Variants in SRP19 observed in about 807,000 individuals in gnomAD.
SRP19 encodes the protein signal recognition particle 19, also known as signal recognition particle 19 kDa protein.
A neutral mutation model predicts 22.4 loss-of-function variants in SRP19; 11 were observed. The observed-to-expected ratio is 0.49, with a 90% CI of 0.31 to 0.81. SRP19 has a LOEUF of 0.81. SRP19 is among the 40% of genes least tolerant of loss of function. The pLI is 0.05. For missense variants in SRP19, 168 were observed against 175.9 expected (o/e 0.96, Z 0.25); for synonymous variants, 61 against 57.6 (o/e 1.06, Z -0.27).
At chr5:112,890,245 C>T (rs1486106424) in intron 4 of SRP19, among the ~76,000 whole-genome samples, 1 of 150,318 alleles carries the variant, frequency 6.7e-6, no homozygotes, top group East Asian at 2.0e-4. Flanking sequence ...AGCTGTGATA[C>T]CATCACTGCA....
exon 5 of SRP19, chr5:112,892,542 G>A: frequency 6.2e-7 from 1 of 1,614,210 alleles, no homozygotes; most frequent in Non-Finnish European, 8.5e-7. Context: ...CAGGACGACA[G>A]CTGCAATGTG....
chr5:112,889,737 T>C (rs924064285), intron 4 of SRP19, among the ~76,000 whole-genome samples: 1 of 150,488 alleles, frequency 6.6e-6, no homozygotes, highest in African/African-American at 2.5e-5. Flanking sequence ...TCCCAGCACT[T>C]TGGGAGGCTG....
intron 2 of SRP19, 114 bp downstream of exon 2, chr5:112,862,697 G>A (rs1051360986): frequency 5.6e-6 from 5 of 895,482 alleles, no homozygotes; most frequent in African/African-American, 3.3e-5. Flanking sequence ...TTTATTTAGG[G>A]CTTGAGAACA....
At chr5:112,879,237 T>C (rs1767989737) in intron 4 of SRP19, among the ~76,000 whole-genome samples, 1 of 148,408 alleles carries the variant, frequency 6.7e-6, no homozygotes, top group African/African-American at 2.5e-5. Flanking sequence ...TGATGACAAC[T>C]AGGTCATCAT....
chr5:112,863,329 A>C (rs1269538623), intron 2 of SRP19, among the ~76,000 whole-genome samples: 2 of 152,008 alleles, frequency 1.3e-5, no homozygotes, highest in Non-Finnish European at 2.9e-5. Context: ...TACATATTTG[A>C]ATGTAGTTGA....
chr5:112,878,855 G>C lies in SRP19; in HGVS notation c.302-12748G>C, dbSNP rs6875646. ...TCTTCGCTGTTTGTTTGTTAGGAGGGAAAGAAAAATATATCAAAGCTCTTT... is the reference window on the plus strand; with the variant it reads ...TCTTCGCTGTTTGTTTGTTAGGAGGCAAAGAAAAATATATCAAAGCTCTTT... On this transcript the variant is annotated intron_variant, in intron 4 of 4. Transcript: ENST00000391338. 9,008 of 1,613,828 alleles carry C rather than the reference G, an allele frequency of 5.6e-3. 440 individuals carry two copies. In the African/African-American group the frequency reaches 0.11, roughly 19 times the overall value.
At chr5:112,862,284 CAG>C in intron 1 of SRP19, 1 of 583,884 alleles carries the variant, frequency 1.7e-6, no homozygotes, top group Non-Finnish European at 3.0e-6. Flanking sequence ...GGGGATCAAT[CAG>C]AAAGAGGAGT....
chr5:112,874,772 G>A (rs373093242), downstream of SRP19, among the ~76,000 whole-genome samples: 6 of 118,514 alleles, frequency 5.1e-5, no homozygotes, highest in East Asian at 9.2e-4. Context: ...TCTGATGTGC[G>A]CCAATTTTTT....
downstream of SRP19, chr5:112,894,314 T>C (rs1247351878): frequency 6.6e-6 from 1 of 152,246 alleles, no homozygotes; most frequent in Admixed American, 6.6e-5. Context: ...GAGACAGGGT[T>C]TCACCATGTT....
rs748099514 is a variant in SRP19 at position 112,864,450 on chromosome 5, T to C, written c.118-7T>C. On this transcript the variant is annotated splice_polypyrimidine_tract_variant and splice_region_variant and intron_variant, in intron 2 of 4. Transcript: ENST00000505459. ...TATATTTAGTGTTTATGTTTTTAACTGTTCAGGCTGTTGAAAATCCTACAG... is the reference window on the plus strand; with the variant it reads ...TATATTTAGTGTTTATGTTTTTAACCGTTCAGGCTGTTGAAAATCCTACAG... 6.2e-7 allele frequency: 1 copy of C among 1,612,214 alleles called. No homozygotes were observed. The highest frequency in any genetic ancestry group is 8.5e-7 in the Non-Finnish European group (1 of 1,179,182).
At chr5:112,877,349 G>A (rs1216479461) in intron 4 of SRP19, 2 of 152,228 alleles carry the variant, frequency 1.3e-5, no homozygotes, top group Middle Eastern at 3.4e-3. Context: ...AATCTTGTTA[G>A]TTTAGTTATA....
chr5:112,876,380 AAC>A (rs1161372869), intron 4 of SRP19: 2 of 152,222 alleles, frequency 1.3e-5, no homozygotes, highest in African/African-American at 4.8e-5. Flanking sequence ...AATGAAATAT[AAC>A]AGTTAAATGA....
intron 4 of SRP19, chr5:112,877,194 T>C (rs1450392805): frequency 6.6e-6 from 1 of 152,222 alleles, no homozygotes; most frequent in Non-Finnish European, 1.5e-5. Flanking sequence ...ATCCATATTA[T>C]ATTAGAGTGA....
chr5:112,862,631 C>A (rs1275739782), intron 2 of SRP19, 48 bp downstream of exon 2: 1 of 1,555,990 alleles, frequency 6.4e-7, no homozygotes, highest in South Asian at 1.1e-5. Flanking sequence ...TGGGGGGTGT[C>A]ATCCTGGTCG....
chr5:112,895,317 C>T (rs1181782965), downstream of SRP19: 2 of 149,146 alleles, frequency 1.3e-5, no homozygotes, highest in African/African-American at 2.5e-5. Flanking sequence ...AGACAGTTTT[C>T]TCTTCTGCAG....
rs913328751 is a variant in SRP19, at chr5:112,898,082, C to G, written c.*6560C>G. On this transcript the variant is annotated 3_prime_UTR_variant and NMD_transcript_variant, in exon 4 of 4. Coordinates refer to the SRP19 transcript ENST00000506997. ...CCAAAAAACAAAAAACAAAACAAAC[C>G]CATGTCCTTACTTGTAAGTCTCTTT... 16 of 152,110 alleles carry G rather than the reference C, an allele frequency of 1.1e-4. No homozygotes were observed. The East Asian group carries it at 1.5e-3, about 15-fold the overall frequency. 9.4% of individuals were successfully genotyped at this position (152,110 alleles called of 1,614,324 possible). A position where few individuals can be genotyped will look rare whatever the true frequency, so the allele number is the denominator to read the frequency against.
At chr5:112,893,384 T>C (rs1003175601), downstream of SRP19, 9 of 198,834 alleles carry the variant, frequency 4.5e-5, no homozygotes, top group Non-Finnish European at 8.3e-5. Context: ...CACTCCAGCC[T>C]GGGTGACAGA....
chr5:112,892,240 T>C (rs930992041), exon 5 of SRP19: 2 of 1,613,986 alleles, frequency 1.2e-6, no homozygotes, highest in African/African-American at 2.7e-5. Context: ...TTTCCCAACA[T>C]CTAGTCCTAC....
downstream of SRP19, chr5:112,895,367 T>C (rs1379503703): frequency 6.6e-6 from 1 of 152,020 alleles, no homozygotes; most frequent in Non-Finnish European, 1.5e-5. Flanking sequence ...TTGAAGAAAG[T>C]GTACAATAGA....
Sources: gnomAD v4.1 joint callset for allele counts (sites outside exome capture counted in the v4.1 genomes callset) on GRCh38, gnomAD v4.1.1 for gene constraint, MANE v1.5 for transcripts, NCBI Gene and HGNC (gene_info 2026-07-23, HGNC 2026-07-21) for gene names.